The following TRPM8 variants were observed in gnomAD, a reference collection of about 807,000 sequenced individuals.
TRPM8 encodes the protein TRPM8 cationic channel.
A neutral mutation model predicts 133.7 loss-of-function variants in TRPM8; 110 were observed. The observed-to-expected ratio is 0.82, with a 90% CI of 0.70 to 0.96. The LOEUF (loss-of-function observed/expected upper bound fraction) is 0.96, where lower values mean the gene tolerates loss of function less well. TRPM8 is among the 40% of genes least tolerant of loss of function. TRPM8 has a pLI of 0.00. For synonymous variants in TRPM8, 535 were observed against 532.3 expected (o/e 1.01, Z -0.07); for missense variants, 1,291 against 1,379.5 (o/e 0.94, Z 1.02).
At chr2:233,970,561 T>C in intron 17 of TRPM8, 135 bp downstream of exon 17, 1 of 828,526 alleles carries the variant, frequency 1.2e-6, no homozygotes, top group East Asian at 2.5e-5. Context: ...CTTTGGGTGC[T>C]AGTCCATGAG....
chr2:233,995,057 C>G (rs1692369683), intron 21 of TRPM8, among the ~76,000 whole-genome samples: 1 of 152,174 alleles, frequency 6.6e-6, no homozygotes, highest in South Asian at 2.1e-4. Context: ...ATTTCCTGCT[C>G]CCCTCTGTGA....
chr2:233,966,139 T>C (rs7562378), intron 14 of TRPM8: 15,763 of 157,056 alleles, frequency 0.1, 1,000 homozygotes, highest in East Asian at 0.25. Flanking sequence ...TGTGAGCCAC[T>C]GCGCCCAACC....
intron 24 of TRPM8, among the ~76,000 whole-genome samples, chr2:234,008,689 C>T (rs952291788): frequency 6.6e-6 from 1 of 152,072 alleles, no homozygotes; most frequent in Non-Finnish European, 1.5e-5. Context: ...AGAATGGCAT[C>T]CCGGATGATG....
intron 20 of TRPM8, among the ~76,000 whole-genome samples, chr2:233,984,944 C>T (rs554803397): frequency 7.9e-5 from 12 of 152,220 alleles, no homozygotes; most frequent in African/African-American, 2.6e-4. Flanking sequence ...ATTAGCTGGG[C>T]ATGGTGGCAT....
chr2:233,970,298 G>T lies in TRPM8; in HGVS notation c.2227G>T (p.Val743Phe). 1 of 1,614,142 alleles carries T rather than the reference G, an allele frequency of 6.2e-7. No homozygotes were observed. The highest frequency in any genetic ancestry group is 8.5e-7 in the Non-Finnish European group (1 of 1,180,022). The stretch of plus-strand genomic sequence containing the variant: ...CTTCGTGGTCTTCTCCTGGAATGTG[G>T]TCTTCTACATCGCCTTCCTCCTGCT... Reference protein sequence around the residue: ...SPFVVFSWNVVFYIAFLLLFA... With the variant: ...SPFVVFSWNVFFYIAFLLLFA... Residue 743 changes from valine (V) to phenylalanine (F), a missense_variant, in exon 17 of 26, where the codon GTC (valine) becomes TTC (phenylalanine). Physicochemically the swap from Val to Phe is conservative, Grantham distance 50. Around this residue, in one of 2 missense-constraint regions of TRPM8, gnomAD observed 963 missense variants for 968.9 expected, o/e 0.99. Transcript: ENST00000324695.
At chr2:233,975,701 C>T (rs1281801579) in intron 17 of TRPM8, among the ~76,000 whole-genome samples, 1 of 152,144 alleles carries the variant, frequency 6.6e-6, no homozygotes, top group African/African-American at 2.4e-5. Flanking sequence ...GCCAACATGG[C>T]AAAATCCCGT....
At chr2:233,927,677 C>T (rs1213504728) in intron 2 of TRPM8, among the ~76,000 whole-genome samples, 1 of 152,098 alleles carries the variant, frequency 6.6e-6, no homozygotes, top group Non-Finnish European at 1.5e-5. Context: ...CACCTGGCCT[C>T]AGCATCAGAG....
chr2:233,990,136 G>C (rs1692237758), intron 21 of TRPM8, among the ~76,000 whole-genome samples: 1 of 152,236 alleles, frequency 6.6e-6, no homozygotes, highest in South Asian at 2.1e-4. Flanking sequence ...GCAGATAATT[G>C]TAATAGTAAC....
At chr2:233,938,603 C>T (rs546830085) in intron 4 of TRPM8, among the ~76,000 whole-genome samples, 1 of 152,172 alleles carries the variant, frequency 6.6e-6, no homozygotes, top group South Asian at 2.1e-4. Context: ...CAACTCGAAA[C>T]GAGAGGGGGC....
intron 17 of TRPM8, among the ~76,000 whole-genome samples, chr2:233,976,481 G>C (rs1462330527): frequency 6.6e-6 from 1 of 152,092 alleles, no homozygotes; most frequent in Admixed American, 6.6e-5. Flanking sequence ...AGTAGACAGG[G>C]GCAGGTGCGC....
intron 11 of TRPM8, 25 bp downstream of exon 11, chr2:233,955,275 A>G: frequency 6.3e-7 from 1 of 1,579,834 alleles, no homozygotes; most frequent in Non-Finnish European, 8.7e-7. Flanking sequence ...CTCCTGGGTT[A>G]TTCCAGTGTT....
intron 21 of TRPM8, among the ~76,000 whole-genome samples, chr2:233,993,403 G>C (rs1559545257): frequency 2.0e-5 from 3 of 152,188 alleles, no homozygotes; most frequent in African/African-American, 7.2e-5. Context: ...CCTTATTCAT[G>C]GGCACTGGCC....
chr2:233,940,315 T>G (rs1344459100), intron 5 of TRPM8, among the ~76,000 whole-genome samples: 5 of 151,210 alleles, frequency 3.3e-5, no homozygotes, highest in African/African-American at 1.2e-4. Flanking sequence ...AAGAAGAAAC[T>G]GAGATGTTTT....
At chr2:233,982,035 G>T in intron 19 of TRPM8, 120 bp downstream of exon 19, 2 of 1,147,742 alleles carry the variant, frequency 1.7e-6, no homozygotes, top group South Asian at 1.9e-5. Flanking sequence ...AGTAACATTC[G>T]CTTTCTTTGA....
At position 233,981,765 on chromosome 2, in the gene TRPM8, T is replaced by TC; in HGVS notation, c.2448-4dup. 6.3e-7 allele frequency: 1 copy of TC among 1,589,652 alleles called. No homozygotes were observed. The highest frequency in any genetic ancestry group is 8.5e-7 in the Non-Finnish European group (1 of 1,173,204). Reference sequence around the variant, plus strand: ...ATCTCATGAATTCTGTTCCTTCTTTTCCCCCTAGGCTCCACTCTTCTAATA... The same window carrying TC: ...ATCTCATGAATTCTGTTCCTTCTTTTCCCCCCTAGGCTCCACTCTTCTAATA... On this transcript the variant is annotated splice_polypyrimidine_tract_variant and intron_variant, in intron 18 of 25. Transcript: ENST00000324695.
chr2:233,983,242 C>T lies in TRPM8; in HGVS notation c.2761+18C>T, dbSNP rs751491189. The T allele has an allele frequency of 1.2e-6, 2 of 1,613,838 alleles. No individual in the cohort carries two copies. The highest frequency in any genetic ancestry group is 1.3e-5 in the African/African-American group (1 of 75,032). ...CGTGGATGGTAAGCCTGACTTGGCT[C>T]AGATGGAAACAGCTTGGAGGAGGCA... is the stretch of plus-strand genomic sequence containing the variant. On this transcript the variant is annotated intron_variant, in intron 20 of 25. Coordinates refer to ENST00000324695, the MANE Select transcript of TRPM8 (RefSeq NM_024080.5).
chr2:234,016,276 C>G (rs1415925546), intron 25 of TRPM8, among the ~76,000 whole-genome samples: 2 of 151,998 alleles, frequency 1.3e-5, no homozygotes, highest in Non-Finnish European at 2.9e-5. Flanking sequence ...AACAGGTGTC[C>G]CCAAAATTCA....
At position 233,989,392 on chromosome 2, in the gene TRPM8, T is replaced by G. The variant is rs981195696; in HGVS notation, c.2939+3527T>G. On this transcript the variant is annotated intron_variant, in intron 21 of 25. Coordinates refer to ENST00000324695, the MANE Select transcript of TRPM8 (RefSeq NM_024080.5). This position sits in a 1 kb window ranked among gnomAD's most constrained non-coding sequence, Gnocchi z 4.2. Reference sequence around the variant, plus strand: ...TCCTACTGTTGCCCCAGTCAGTGCTTAAGTGTGACAGCTTGCAACATCCCT... The same window carrying G: ...TCCTACTGTTGCCCCAGTCAGTGCTGAAGTGTGACAGCTTGCAACATCCCT... 2.0e-5 allele frequency among the ~76,000 whole-genome samples: 3 copies of G among 152,204 alleles called. No individual in the cohort carries two copies. Among genetic ancestry groups the G allele is most frequent in the African/African-American group, 7.2e-5 (3 of 41,448 alleles).
At chr2:233,919,150 T>TAAA (rs66708466) in intron 1 of TRPM8, among the ~76,000 whole-genome samples, 34,556 of 151,644 alleles carry the variant, frequency 0.23, 6,756 homozygotes, top group African/African-American at 0.53. Flanking sequence ...AAGCAACTTA[T>TAAA]AAAACATGCC....
Sources: allele counts gnomAD v4.1 joint callset (sites outside exome capture counted in the v4.1 genomes callset), GRCh38; gene constraint gnomAD v4.1.1; regional missense constraint gnomAD v4.1.1; non-coding constraint Gnocchi (gnomAD v3.1); transcripts MANE v1.5; gene names NCBI Gene and HGNC (gene_info 2026-07-23, HGNC 2026-07-21).